CYP1A1: variants seen among roughly 807,000 people sequenced by gnomAD.
CYP1A1 encodes the protein cytochrome P450 family 1 subfamily A member 1.
A neutral mutation model predicts 33.6 loss-of-function variants in CYP1A1; 43 were observed. That is an observed-to-expected ratio of 1.28 (90% confidence interval 1.00 to 1.65). CYP1A1 has a LOEUF of 1.65. CYP1A1 is among the 40% of genes most tolerant of loss of function. The pLI, the probability that CYP1A1 is intolerant of heterozygous loss-of-function variation, is 0.00. For missense variants in CYP1A1, 637 were observed against 653.7 expected (o/e 0.97, Z 0.28); for synonymous variants, 280 against 257.8 (o/e 1.09, Z -0.83).
chr15:74,720,628 A>G lies in CYP1A1; in HGVS notation c.1400T>C (p.Val467Ala). 6.2e-7 allele frequency: 1 copy of G among 1,613,650 alleles called. No individual in the cohort carries two copies. Among genetic ancestry groups the G allele is most frequent in the Non-Finnish European group, 8.5e-7 (1 of 1,179,914 alleles). ...CIGETIARWE[V>A]FLFLAILLQR... is the part of the protein sequence containing the mutation. ...CAGCAGGATAGCCAGGAAGAGAAAG[A>G]CCTCCCAGCGGGCAATGGTCTCACC... Residue 467 changes from valine to alanine, a missense_variant, in exon 7 of 7, where the codon GTC becomes GCC. Physicochemically the swap from Val to Ala is moderately conservative, Grantham distance 64. Transcript: ENST00000379727.
intron 2 of CYP1A1, 47 bp from the exon 3 acceptor site, chr15:74,721,764 C>A (rs1272411858): frequency 6.2e-7 from 1 of 1,602,674 alleles, no homozygotes; most frequent in African/African-American, 1.3e-5. Context: ...AAACCCAGAG[C>A]TACCTCTCCA....
Position 74,722,759 on chromosome 15 carries a change from G to T in CYP1A1, c.339C>A (p.Thr113=), listed in dbSNP as rs753243590. The T allele has an allele frequency of 2.2e-5, 35 of 1,613,564 alleles. No individual in the cohort carries two copies. Among genetic ancestry groups the T allele is most frequent in the Non-Finnish European group, 2.9e-5 (34 of 1,180,022 alleles). The change falls in exon 2 of 7, where the codon ACC becomes ACA. Residue 113 remains threonine, a synonymous_variant. Coordinates refer to ENST00000379727, the MANE Select transcript of CYP1A1 (RefSeq NM_001319217.2). ...FKGRPDLYTF[T]LISNGQSMSF... is the part of the protein sequence containing the mutation. ...ACATGCTCTGACCATTACTGATGAG[G>T]GTGAAGGTGTAGAGGTCGGGCCGGC... is the stretch of plus-strand genomic sequence containing the variant.
rs769009780 is a variant in CYP1A1 at position 74,722,898 on chromosome 15, C to T, written c.200G>A (p.Ser67Asn). ...KNPHLALSRMSQQYGDVLQIR... is the reference protein window; with the variant it reads ...KNPHLALSRMNQQYGDVLQIR... ...CTGCAGCACGTCCCCATACTGCTGGCTCATCCTTGACAGTGCCAGGTGCGG... is the reference window on the plus strand; with the variant it reads ...CTGCAGCACGTCCCCATACTGCTGGTTCATCCTTGACAGTGCCAGGTGCGG... Residue 67 changes from serine (S) to asparagine (N), a missense_variant, in exon 2 of 7, where the codon AGC (serine) becomes AAC (asparagine). Physicochemically the swap from Ser to Asn is conservative, Grantham distance 46. Coordinates refer to ENST00000379727, the MANE Select transcript of CYP1A1 (RefSeq NM_001319217.2). 6.2e-7 allele frequency: 1 copy of T among 1,614,188 alleles called. No homozygotes were observed. The highest frequency in any genetic ancestry group is 2.2e-5 in the East Asian group (1 of 44,876).
intron 1 of CYP1A1, 114 bp from the exon 2 acceptor site, chr15:74,723,240 G>A: frequency 1.6e-6 from 1 of 616,266 alleles, no homozygotes. Flanking sequence ...CTGCTTACTG[G>A]GCATGAAGAA....
chr15:74,719,749 A>C lies in CYP1A1; in HGVS notation c.*740T>G, dbSNP rs1426844533. 1 of 152,068 alleles carries C rather than the reference A, an allele frequency of 6.6e-6. No individual in the cohort carries two copies. Among genetic ancestry groups the C allele is most frequent in the African/African-American group, 2.4e-5 (1 of 41,408 alleles). The allele number at this position is 152,068 out of a possible 1,614,324, so 9.4% of individuals were successfully genotyped here. On this transcript the variant is annotated 3_prime_UTR_variant, in exon 7 of 7. Coordinates refer to ENST00000379727, the MANE Select transcript of CYP1A1 (RefSeq NM_001319217.2). ...TTTATTACAAGAGTGTAGAGAAGGG[A>C]GACCAATAGAAGGTAATTGAAATAC...
At position 74,722,637 on chromosome 15, in the gene CYP1A1, G is replaced by A; in HGVS notation, c.461C>T (p.Ser154Leu). 1.2e-6 allele frequency: 2 copies of A among 1,614,072 alleles called. No individual in the cohort carries two copies. The highest frequency in any genetic ancestry group is 1.3e-5 in the African/African-American group (1 of 75,060). The part of the protein sequence containing the change: ...SFSIASDPAS[S>L]TSCYLEEHVS... The stretch of plus-strand genomic sequence containing the variant: ...ATGCTCTTCCAGGTAGCAGGAGGTT[G>A]AGGAGGCTGGGTCAGAGGCAATGGA... The change falls in exon 2 of 7, where the codon TCA becomes TTA. Residue 154 changes from serine (S) to leucine (L), a missense_variant. Physicochemically the swap from Ser to Leu is moderately radical, Grantham distance 145. Transcript: ENST00000379727.
At chr15:74,723,152 A>C (rs2141718132) in intron 1 of CYP1A1, 26 bp from the exon 2 acceptor site, 3 of 1,371,152 alleles carry the variant, frequency 2.2e-6, no homozygotes, top group South Asian at 3.0e-5. Context: ...GGAAGAAAAA[A>C]AGTCAAGCCG....
intron 5 of CYP1A1, 54 bp from the exon 6 acceptor site, chr15:74,721,107 C>T (rs974167892): frequency 1.2e-6 from 2 of 1,610,910 alleles, no homozygotes; most frequent in African/African-American, 2.7e-5. Context: ...ATCTCCCTGT[C>T]TCCCATGCCG....
rs1347517735 is a variant in CYP1A1, at chr15:74,720,436, G to T, written c.*53C>A. 26 of 1,510,178 alleles carry T rather than the reference G, an allele frequency of 1.7e-5. No individual in the cohort carries two copies. Among genetic ancestry groups the T allele is most frequent in the Non-Finnish European group, 1.1e-5 (12 of 1,129,630 alleles). The allele number at this position is 1,510,178 out of a possible 1,614,324, so 93.5% of individuals were successfully genotyped here. A position where few individuals can be genotyped will look rare whatever the true frequency, so the allele number is the denominator to read the frequency against. ...CCACATAGGCCAGCCTGCTGGTCTG[G>T]CTGCCCAACCAGACCAGGTAGACAG... On this transcript the variant is annotated 3_prime_UTR_variant, in exon 7 of 7. Coordinates refer to ENST00000379727, the MANE Select transcript of CYP1A1 (RefSeq NM_001319217.2).
At position 74,721,509 on chromosome 15, in the gene CYP1A1, C is replaced by G; in HGVS notation, c.953-6G>C. The G allele has an allele frequency of 6.2e-7, 1 of 1,614,142 alleles. No homozygotes were observed. Among genetic ancestry groups the G allele is most frequent in the African/African-American group, 1.3e-5 (1 of 75,028 alleles). On this transcript the variant is annotated splice_region_variant and splice_polypyrimidine_tract_variant and intron_variant, in intron 3 of 6. Transcript: ENST00000379727. ...AGTTGTGACTGTGTCAAACCCTGGA[C>G]AGGGTAGAACAGAAGAAGTTAGGCA...
rs750520977 is a variant in CYP1A1, at chr15:74,721,003, C to T, written c.1217G>A (p.Cys406Tyr). The change falls in exon 6 of 7, where the codon TGT (cysteine) becomes TAT (tyrosine). Residue 406 changes from cysteine to tyrosine, a missense_variant. Transcript: ENST00000379727. ...LKGFYIPKGR[C>Y]VFVNQWQINH... The stretch of plus-strand genomic sequence containing the variant: ...GATCTGCCACTGGTTTACAAAGACA[C>T]AACGCCCCTTGGGGATGTAAAAGCC... 34 of 1,614,188 alleles carry T rather than the reference C, an allele frequency of 2.1e-5. No homozygotes were observed. Among genetic ancestry groups the T allele is most frequent in the Middle Eastern group, 1.6e-4 (1 of 6,062 alleles).
chr15:74,724,186 T>G (rs1233688164), intron 1 of CYP1A1, among the ~76,000 whole-genome samples: 1 of 152,006 alleles, frequency 6.6e-6, no homozygotes, highest in African/African-American at 2.4e-5. Flanking sequence ...AGAGAATAAA[T>G]GGAAGGTTCC....
intron 1 of CYP1A1, among the ~76,000 whole-genome samples, chr15:74,723,863 G>T (rs1357601813): frequency 6.6e-6 from 1 of 152,162 alleles, no homozygotes; most frequent in Non-Finnish European, 1.5e-5. Context: ...ACCTCCTTTT[G>T]AAGAGTGGTC....
Position 74,719,746 on chromosome 15 carries a change from G to A in CYP1A1, c.*743C>T, listed in dbSNP as rs1304444445. The A allele has an allele frequency of 6.6e-6, 1 of 152,042 alleles. No homozygotes were observed. Among genetic ancestry groups the A allele is most frequent in the South Asian group, 2.1e-4 (1 of 4,808 alleles). 9.4% of individuals were successfully genotyped at this position (152,042 alleles called of 1,614,324 possible). A position where few individuals can be genotyped will look rare whatever the true frequency, so the allele number is the denominator to read the frequency against. The stretch of plus-strand genomic sequence containing the variant: ...CATTTTATTACAAGAGTGTAGAGAA[G>A]GGAGACCAATAGAAGGTAATTGAAA... On this transcript the variant is annotated 3_prime_UTR_variant, in exon 7 of 7. Coordinates refer to ENST00000379727, the MANE Select transcript of CYP1A1 (RefSeq NM_001319217.2).
chr15:74,721,662 AG>A lies in CYP1A1; in HGVS notation c.880del (p.Leu294TrpfsTer41), dbSNP rs768134937. On this transcript the variant is annotated frameshift_variant, in exon 3 of 7. Transcript: ENST00000379727. LOFTEE classifies it high-confidence loss of function. ...SLIEHCQEKQ[L>X]DENANVQLSD... Reference sequence around the variant, plus strand: ...CAGCTGGACATTGGCGTTCTCATCCAGCTGCTTCTCCTGACAGTGCTCAATC... The same window carrying A: ...CAGCTGGACATTGGCGTTCTCATCCACTGCTTCTCCTGACAGTGCTCAATC... 1 of 1,614,194 alleles carries A rather than the reference AG, an allele frequency of 6.2e-7. No individual in the cohort carries two copies.
Position 74,721,411 on chromosome 15 carries a change from T to C in CYP1A1, c.1042+3A>G, listed in dbSNP as rs2063169074. 6.2e-7 allele frequency: 1 copy of C among 1,614,046 alleles called. No homozygotes were observed. Among genetic ancestry groups the C allele is most frequent in the Non-Finnish European group, 8.5e-7 (1 of 1,180,012 alleles). On this transcript the variant is annotated splice_donor_region_variant and intron_variant, in intron 4 of 6. Coordinates refer to ENST00000379727, the MANE Select transcript of CYP1A1 (RefSeq NM_001319217.2). ...GACCCCTTTGAAGGGAGCCACTACCTACCTAGCTCCTCTTGGATCTTTCTC... is the reference window on the plus strand; with the variant it reads ...GACCCCTTTGAAGGGAGCCACTACCCACCTAGCTCCTCTTGGATCTTTCTC...
At chr15:74,721,527 G>A (rs1322745964) in intron 3 of CYP1A1, 24 bp from the exon 4 acceptor site, 2 of 1,614,162 alleles carry the variant, frequency 1.2e-6, no homozygotes, top group Admixed American at 1.7e-5. Context: ...AACAGAAGAA[G>A]TTAGGCAGGC....
At position 74,722,872 on chromosome 15, in the gene CYP1A1, T is replaced by A; in HGVS notation, c.226A>T (p.Ile76Phe). The A allele has an allele frequency of 6.2e-7, 1 of 1,614,070 alleles. No homozygotes were observed. The highest frequency in any genetic ancestry group is 8.5e-7 in the Non-Finnish European group (1 of 1,180,018). The change falls in exon 2 of 7, where the codon ATC becomes TTC. Residue 76 changes from isoleucine (I) to phenylalanine (F), a missense_variant. By Grantham distance (21) the Ile-to-Phe change is conservative. Transcript: ENST00000379727. ...ACCACGGGTGTGGAGCCAATTCGGA[T>A]CTGCAGCACGTCCCCATACTGCTGG... Reference protein sequence around the residue: ...MSQQYGDVLQIRIGSTPVVVL... With the variant: ...MSQQYGDVLQFRIGSTPVVVL...
Position 74,720,391 on chromosome 15 carries a change from G to T in CYP1A1, c.*98C>A. ...ACTGCAGCCAGATCAGTGTCTATGA[G>T]TTTCAGGCTGAACCTTAGACCACAT... On this transcript the variant is annotated 3_prime_UTR_variant, in exon 7 of 7. Coordinates refer to ENST00000379727, the MANE Select transcript of CYP1A1 (RefSeq NM_001319217.2). 7.4e-7 allele frequency: 1 copy of T among 1,357,342 alleles called. No homozygotes were observed. The highest frequency in any genetic ancestry group is 1.0e-6 in the Non-Finnish European group (1 of 1,001,670). The allele number at this position is 1,357,342 out of a possible 1,614,324, so 84.1% of individuals were successfully genotyped here. A position where few individuals can be genotyped will look rare whatever the true frequency, so the allele number is the denominator to read the frequency against.
Sources: allele counts gnomAD v4.1 joint callset (sites outside exome capture counted in the v4.1 genomes callset), GRCh38; gene constraint gnomAD v4.1.1; transcripts MANE v1.5; gene names NCBI Gene and HGNC (gene_info 2026-07-23, HGNC 2026-07-21).